FYTTD1: variants seen among roughly 807,000 people sequenced by gnomAD.
The protein encoded by FYTTD1 is UAP56-interacting factor.
FYTTD1 carries 22 observed loss-of-function variants against 40.9 expected under a neutral mutation model. The ratio of observed to expected loss-of-function variants is 0.54; its 90% CI spans 0.38 to 0.77. The LOEUF (loss-of-function observed/expected upper bound fraction) is 0.77, where lower values mean the gene tolerates loss of function less well. Ranked by LOEUF, FYTTD1 falls within the 30% of genes least tolerant of loss-of-function variation. The probability of loss-of-function intolerance (pLI) is 0.00; values close to 1 mark genes in which losing one functional copy is unlikely to be tolerated. For missense variants in FYTTD1, 351 were observed against 392.2 expected, an observed-to-expected ratio of 0.90 and a Z score of 0.89; for synonymous variants, 140 against 137.9, an observed-to-expected ratio of 1.01 and a Z score of -0.10.
chr3:197,760,267 G>T (rs1560494033), intron 2 of FYTTD1, among the ~76,000 whole-genome samples: 1 of 152,150 alleles, frequency 6.6e-6, no homozygotes, highest in Non-Finnish European at 1.5e-5. Flanking sequence ...TTCTTCAGTG[G>T]TAGAAGGTAC....
intron 8 of FYTTD1, 138 bp from the exon 9 acceptor site, chr3:197,781,673 G>A (rs1473012015): frequency 3.3e-6 from 2 of 602,466 alleles, no homozygotes; most frequent in South Asian, 2.3e-5. Context: ...GGTCATACAT[G>A]TAAATATTTA....
At chr3:197,771,776 C>CAAAA (rs755304777) in intron 4 of FYTTD1, among the ~76,000 whole-genome samples, 5 of 66,414 alleles carry the variant, frequency 7.5e-5, no homozygotes, top group Non-Finnish European at 1.0e-4. Flanking sequence ...GACTCCGTCT[C>CAAAA]AAAAAAAAAA....
intron 6 of FYTTD1, 25 bp from the exon 7 acceptor site, chr3:197,776,902 T>C: frequency 6.7e-7 from 1 of 1,486,016 alleles, no homozygotes; most frequent in Non-Finnish European, 9.4e-7. Flanking sequence ...ATTTAATGAA[T>C]TTTTTTTATT....
chr3:197,754,842 T>G (rs1258815027), intron 1 of FYTTD1, among the ~76,000 whole-genome samples: 1 of 152,080 alleles, frequency 6.6e-6, no homozygotes, highest in African/African-American at 2.4e-5. Context: ...TTTTTAAAAA[T>G]TATTTGTGGA....
chr3:197,754,517 C>CA (rs1336635126), intron 1 of FYTTD1, among the ~76,000 whole-genome samples: 1 of 151,776 alleles, frequency 6.6e-6, no homozygotes, highest in Non-Finnish European at 1.5e-5. Context: ...ATTATAGTGA[C>CA]AAAAAAATTG....
chr3:197,768,228 C>T (rs923054155), intron 2 of FYTTD1, among the ~76,000 whole-genome samples: 1 of 152,126 alleles, frequency 6.6e-6, no homozygotes, highest in Non-Finnish European at 1.5e-5. Flanking sequence ...TGAGAATCCT[C>T]TAGTTATTTA....
At chr3:197,758,976 A>G (rs1729286617) in intron 2 of FYTTD1, among the ~76,000 whole-genome samples, 1 of 152,232 alleles carries the variant, frequency 6.6e-6, no homozygotes, top group African/African-American at 2.4e-5. Context: ...ACTTGGAGAA[A>G]CAACCCAAAT....
chr3:197,772,214 C>T (rs1221833972), intron 4 of FYTTD1, among the ~76,000 whole-genome samples: 1 of 152,228 alleles, frequency 6.6e-6, no homozygotes, highest in Non-Finnish European at 1.5e-5. Context: ...AAGAACCCAT[C>T]ATTTACGTGA....
Position 197,768,429 on chromosome 3 carries a change from C to T in FYTTD1, c.236-10C>T. 1 of 1,558,740 alleles carries T rather than the reference C, an allele frequency of 6.4e-7. No individual in the cohort carries two copies. The highest frequency in any genetic ancestry group is 1.2e-5 in the South Asian group (1 of 81,828). On this transcript the variant is annotated splice_polypyrimidine_tract_variant and intron_variant, in intron 2 of 8. Transcript: ENST00000241502. ...AATTGACATTTTCTTCTGTTTTTGC[C>T]CTCCTATAGGTTTTGGTAAGACTAG...
chr3:197,756,446 C>T lies in FYTTD1; in HGVS notation c.124C>T (p.Arg42Ter). 1.2e-6 allele frequency: 2 copies of T among 1,603,820 alleles called. No individual in the cohort carries two copies. The highest frequency in any genetic ancestry group is 1.7e-6 in the Non-Finnish European group (2 of 1,170,838). Residue 42 changes from arginine to a stop codon, truncating the protein, a stop_gained, in exon 2 of 9, where the codon CGA (arginine) becomes TGA (stop). Coordinates refer to ENST00000241502, the MANE Select transcript of FYTTD1 (RefSeq NM_032288.7). LOFTEE classifies it high-confidence loss of function. ...MSLDDIIKLN[R>*]KEGKKQNFPR... The stretch of plus-strand genomic sequence containing the variant: ...CATAGATGATATCATCAAGTTGAAT[C>T]GAAAGGAAGGGAAGAAGCAGAATTT...
chr3:197,768,624 T>C (rs1729620908), intron 3 of FYTTD1, 37 bp downstream of exon 3: 1 of 1,559,740 alleles, frequency 6.4e-7, no homozygotes, highest in South Asian at 1.2e-5. Context: ...AGATATCCTT[T>C]TCCTTTATTT....
chr3:197,770,211 C>T lies in FYTTD1; in HGVS notation c.464C>T (p.Ala155Val), dbSNP rs756555827. The change falls in exon 4 of 9, where the codon GCA becomes GTA. Residue 155 changes from alanine to valine, a missense_variant. Transcript: ENST00000241502. ...RQNEGQRKPV[A>V]VLKRPSQLSR... ...AATGAAGGGCAGAGGAAACCAGTAG[C>T]AGTTCTCAAGAGACCTAGCCAGCTA... The T allele has an allele frequency of 2.2e-5, 35 of 1,612,132 alleles. No individual in the cohort carries two copies. Among genetic ancestry groups the T allele is most frequent in the Non-Finnish European group, 2.8e-5 (33 of 1,178,692 alleles).
intron 2 of FYTTD1, among the ~76,000 whole-genome samples, chr3:197,757,986 C>T (rs951609277): frequency 1.3e-5 from 2 of 152,256 alleles, no homozygotes; most frequent in Non-Finnish European, 2.9e-5. Context: ...TCACTGCAGC[C>T]TCTGCCTCCC....
At position 197,778,434 on chromosome 3, in the gene FYTTD1, G is replaced by T; in HGVS notation, c.828G>T (p.Leu276=). ...AGAAAGTTCCTAAAGGTGTTCCCCT[G>T]CAGTTTGACATAAACAGTGTCGGAA... ...DVKKVPKGVP[L]QFDINSVGKQ... is the part of the protein sequence containing the mutation. Residue 276 remains leucine (L), a synonymous_variant, in exon 8 of 9, where the codon CTG becomes CTT. Coordinates refer to ENST00000241502, the MANE Select transcript of FYTTD1 (RefSeq NM_032288.7). 6.2e-7 allele frequency: 1 copy of T among 1,609,952 alleles called. No individual in the cohort carries two copies. Among genetic ancestry groups the T allele is most frequent in the East Asian group, 2.2e-5 (1 of 44,826 alleles).
chr3:197,786,793 GTTTT>G lies in FYTTD1; in HGVS notation c.*4888_*4891del, dbSNP rs960714834. 6.6e-6 allele frequency: 1 copy of G among 152,060 alleles called. No homozygotes were observed. The allele number at this position is 152,060 out of a possible 1,614,324, so 9.4% of individuals were successfully genotyped here. Reference sequence around the variant, plus strand: ...ACTGCTTGGAGTTTATAAAAGCGGAGTTTTTTTATTTTTTGAGACGGAATACTCT... The same window carrying G: ...ACTGCTTGGAGTTTATAAAAGCGGAGTTTATTTTTTGAGACGGAATACTCT... On this transcript the variant is annotated 3_prime_UTR_variant, in exon 9 of 9. Transcript: ENST00000241502.
intron 2 of FYTTD1, among the ~76,000 whole-genome samples, chr3:197,766,095 G>A (rs1315577760): frequency 6.6e-6 from 1 of 151,700 alleles, no homozygotes; most frequent in African/African-American, 2.4e-5. Context: ...CCCAGGAGGT[G>A]GAGGTTGCAG....
intron 1 of FYTTD1, among the ~76,000 whole-genome samples, chr3:197,756,050 A>G (rs560857154): frequency 6.6e-6 from 1 of 152,132 alleles, no homozygotes; most frequent in South Asian, 2.1e-4. Context: ...TTCTGTGATT[A>G]TGGGAAGTAG....
upstream of FYTTD1, chr3:197,749,815 G>T (rs1182994216): frequency 6.3e-6 from 3 of 479,554 alleles, no homozygotes; most frequent in Admixed American, 1.3e-4. Context: ...CGCGAGTGTC[G>T]GTGGCCCCGC....
chr3:197,770,724 T>A (rs959583079), intron 4 of FYTTD1, among the ~76,000 whole-genome samples: 1 of 152,024 alleles, frequency 6.6e-6, no homozygotes, highest in African/African-American at 2.4e-5. Flanking sequence ...ATTTTTTTTT[T>A]TTTTTAATAG....
Sources: gnomAD v4.1 joint callset for allele counts (sites outside exome capture counted in the v4.1 genomes callset) on GRCh38, gnomAD v4.1.1 for gene constraint, MANE v1.5 for transcripts, NCBI Gene and HGNC (gene_info 2026-07-23, HGNC 2026-07-21) for gene names.